The following PLCL1 variants were observed in gnomAD, a reference collection of about 807,000 sequenced individuals.
PLCL1 encodes the protein inactive phospholipase C-like protein 1.
In PLCL1, 41 loss-of-function variants were observed where a neutral mutation model predicts 84.4. That is an observed-to-expected ratio of 0.49 (90% CI 0.38 to 0.63). The LOEUF is 0.63. Ranked by LOEUF, PLCL1 falls within the 30% of genes least tolerant of loss-of-function variation. The pLI is 0.00. For missense variants in PLCL1, 1,206 were observed against 1,367.8 expected (o/e 0.88, Z 1.87); for synonymous variants, 490 against 488.3 (o/e 1.00, Z -0.05).
intron 1 of PLCL1, among the ~76,000 whole-genome samples, chr2:197,860,130 G>A (rs1687401709): frequency 6.6e-6 from 1 of 151,974 alleles, no homozygotes; most frequent in Admixed American, 6.6e-5. Flanking sequence ...TGTGGTATGT[G>A]GTTTTCTATG....
rs1163258037 is a variant in PLCL1 at position 198,085,701 on chromosome 2, C to G, written c.2184C>G (p.Ile728Met). ...CTCTAGCTCTTCATATCAAGATCATCAGTGGTCAGAATTTCCCAAAGCCCA... is the reference window on the plus strand; with the variant it reads ...CTCTAGCTCTTCATATCAAGATCATGAGTGGTCAGAATTTCCCAAAGCCCA... ...VSPLALHIKI[I>M]SGQNFPKPKG... The change falls in exon 2 of 6, where the codon ATC becomes ATG. Residue 728 changes from isoleucine (I) to methionine (M), a missense_variant. Transcript: ENST00000428675. This position sits in a 1 kb window ranked among gnomAD's most constrained non-coding sequence, Gnocchi z 5.3. The G allele has an allele frequency of 1.2e-6, 2 of 1,614,138 alleles. No individual in the cohort carries two copies. The highest frequency in any genetic ancestry group is 1.7e-6 in the Non-Finnish European group (2 of 1,180,000).
intron 1 of PLCL1, among the ~76,000 whole-genome samples, chr2:197,961,614 T>A (rs1689625865): frequency 7.6e-6 from 1 of 132,376 alleles, no homozygotes; most frequent in African/African-American, 3.1e-5. Flanking sequence ...TTGCTTATTA[T>A]GCTTTTCTGC....
At chr2:198,017,994 A>G (rs1342402083) in intron 1 of PLCL1, among the ~76,000 whole-genome samples, 1 of 152,204 alleles carries the variant, frequency 6.6e-6, no homozygotes, top group Non-Finnish European at 1.5e-5. Context: ...AGACCAACAC[A>G]GAAGGCGGGT....
chr2:197,954,221 A>AATGAG (rs1397306669), intron 1 of PLCL1, among the ~76,000 whole-genome samples: 2 of 152,112 alleles, frequency 1.3e-5, no homozygotes, highest in Non-Finnish European at 2.9e-5. Flanking sequence ...TTGGCCTTAG[A>AATGAG]ATGAGGTGAC....
intron 1 of PLCL1, among the ~76,000 whole-genome samples, chr2:197,864,486 T>TC (rs1299284923): frequency 1.3e-5 from 2 of 148,700 alleles, no homozygotes; most frequent in African/African-American, 4.9e-5. Context: ...TAGCATTCTT[T>TC]TTTTTTTTTT....
At chr2:197,886,745 C>T (rs1429025577) in intron 1 of PLCL1, among the ~76,000 whole-genome samples, 1 of 152,160 alleles carries the variant, frequency 6.6e-6, no homozygotes, top group African/African-American at 2.4e-5. Context: ...AAGGTCTTAG[C>T]TCTTGGGTGG....
chr2:197,932,018 A>G (rs1559048953), intron 1 of PLCL1, among the ~76,000 whole-genome samples: 1 of 152,162 alleles, frequency 6.6e-6, no homozygotes, highest in Non-Finnish European at 1.5e-5. Context: ...ATTCTTTTGA[A>G]TGGGTAATGA....
intron 1 of PLCL1, among the ~76,000 whole-genome samples, chr2:198,032,241 A>G (rs1691446018): frequency 6.6e-6 from 1 of 152,206 alleles, no homozygotes; most frequent in Non-Finnish European, 1.5e-5. Flanking sequence ...TCAGCCTTTA[A>G]ATATTTGGAC....
chr2:197,983,408 CTT>C (rs1335729693), intron 1 of PLCL1, among the ~76,000 whole-genome samples: 1 of 151,490 alleles, frequency 6.6e-6, no homozygotes, highest in Non-Finnish European at 1.5e-5. Flanking sequence ...TTTTAAAAAA[CTT>C]TTTGTAGAGA....
At chr2:198,123,633 T>C (rs1395333162) in intron 5 of PLCL1, among the ~76,000 whole-genome samples, 1 of 152,000 alleles carries the variant, frequency 6.6e-6, no homozygotes, top group Non-Finnish European at 1.5e-5. Context: ...TCTAGAATTG[T>C]CAGAAATAAA....
At chr2:198,088,378 T>C (rs1341623501) in intron 2 of PLCL1, among the ~76,000 whole-genome samples, 1 of 152,206 alleles carries the variant, frequency 6.6e-6, no homozygotes, top group Admixed American at 6.5e-5. Context: ...GACTGTAACA[T>C]GGACAAATGT....
At chr2:197,810,881 T>G (rs921163516) in intron 1 of PLCL1, among the ~76,000 whole-genome samples, 8 of 149,274 alleles carry the variant, frequency 5.4e-5, no homozygotes, top group Middle Eastern at 3.5e-3. Flanking sequence ...TTTAAAAAAC[T>G]ATCCGACTTT....
intron 5 of PLCL1, among the ~76,000 whole-genome samples, chr2:198,122,921 T>C (rs1693901632): frequency 6.6e-6 from 1 of 152,108 alleles, no homozygotes; most frequent in African/African-American, 2.4e-5. Context: ...ATCCATTTTC[T>C]ACAGGAGAAA....
At chr2:198,070,982 A>T (rs1311125571) in intron 1 of PLCL1, 4 of 777,398 alleles carry the variant, frequency 5.1e-6, no homozygotes, top group Non-Finnish European at 6.2e-6. Context: ...TTTTCTAGAG[A>T]TAACCACTAT....
intron 1 of PLCL1, among the ~76,000 whole-genome samples, chr2:197,975,800 C>G (rs374529840): frequency 6.6e-6 from 1 of 151,994 alleles, no homozygotes; most frequent in Non-Finnish European, 1.5e-5. Context: ...GGTAACACAG[C>G]GAGGCTCTTT....
At chr2:197,910,321 CAT>C (rs1688463078) in intron 1 of PLCL1, among the ~76,000 whole-genome samples, 1 of 152,120 alleles carries the variant, frequency 6.6e-6, no homozygotes, top group East Asian at 1.9e-4. Context: ...AAAACTGTAC[CAT>C]TCTCAGAGGA....
chr2:198,125,982 A>G (rs1372131302), intron 5 of PLCL1, among the ~76,000 whole-genome samples: 1 of 152,198 alleles, frequency 6.6e-6, no homozygotes, highest in Non-Finnish European at 1.5e-5. Context: ...ATTAGTCAAC[A>G]TATATTTTCT....
chr2:198,072,402 A>G (rs1284388487), intron 1 of PLCL1, among the ~76,000 whole-genome samples: 1 of 151,830 alleles, frequency 6.6e-6, no homozygotes, highest in Non-Finnish European at 1.5e-5. Flanking sequence ...CTCGGTAAAT[A>G]GTTATATTTT....
chr2:198,148,249 G>T lies in PLCL1; in HGVS notation c.*1287G>T, dbSNP rs1299293998. 2 of 152,184 alleles carry T rather than the reference G, an allele frequency of 1.3e-5. No homozygotes were observed. The highest frequency in any genetic ancestry group is 2.9e-5 in the Non-Finnish European group (2 of 67,982). The allele number at this position is 152,184 out of a possible 1,614,324, so 9.4% of individuals were successfully genotyped here. ...TTTTGAAAAGCTTCTTAATTAATTT[G>T]ATTAACAAATATGCTAATTTGGGGA... On this transcript the variant is annotated 3_prime_UTR_variant, in exon 6 of 6. Coordinates refer to ENST00000428675, the MANE Select transcript of PLCL1 (RefSeq NM_006226.4).
Sources: gnomAD v4.1 joint callset for allele counts (sites outside exome capture counted in the v4.1 genomes callset) on GRCh38, gnomAD v4.1.1 for gene constraint, Gnocchi (gnomAD v3.1) non-coding constraint, MANE v1.5 for transcripts, NCBI Gene and HGNC (gene_info 2026-07-23, HGNC 2026-07-21) for gene names.